The following SENP1 variants were observed in gnomAD, a reference collection of about 807,000 sequenced individuals.
SENP1 encodes SUMO specific peptidase 1.
In SENP1, 21 loss-of-function variants were observed where a neutral mutation model predicts 93.0. The ratio of observed to expected loss-of-function variants is 0.23; its 90% CI spans 0.16 to 0.33. The LOEUF (loss-of-function observed/expected upper bound fraction) is 0.33, where lower values mean the gene tolerates loss of function less well. Among genes scored for constraint, SENP1 ranks in the 10% least tolerant of loss-of-function variants. The pLI, the probability that SENP1 is intolerant of heterozygous loss-of-function variation, is 1.00. For synonymous variants in SENP1, 256 were observed against 259.6 expected (o/e 0.99, Z 0.13); for missense variants, 591 against 758.7 (o/e 0.78, Z 2.60).
chr12:48,066,862 G>T, intron 10 of SENP1, 65 bp downstream of exon 10: 1 of 1,271,506 alleles, frequency 7.9e-7, no homozygotes, highest in Non-Finnish European at 1.1e-6. Context: ...TTAGCTAATT[G>T]TTTGATTTCT....
chr12:48,096,367 C>A lies in SENP1; in HGVS notation c.196G>T (p.Ala66Ser). 6.2e-7 allele frequency: 1 copy of A among 1,607,410 alleles called. No homozygotes were observed. The highest frequency in any genetic ancestry group is 1.1e-5 in the South Asian group (1 of 90,688). ...CCTGAGTAATAGCTTGGATTATAAGCTGCACTTCTTGTGGAACATGTAAAA... is the reference window on the plus strand; with the variant it reads ...CCTGAGTAATAGCTTGGATTATAAGATGCACTTCTTGTGGAACATGTAAAA... ...RSFTCSTRSA[A>S]YNPSYYSDNP... The change falls in exon 4 of 18, where the codon GCT (alanine) becomes TCT (serine). Residue 66 changes from alanine to serine, a missense_variant. Around this residue, in one of 4 missense-constraint regions of SENP1, gnomAD observed 214 missense variants for 243.4 expected, o/e 0.88. Transcript: ENST00000549518.
rs763845176 is a variant in SENP1, at chr12:48,048,051, G to A, written c.1641C>T (p.Thr547=). 1 of 1,606,638 alleles carries A rather than the reference G, an allele frequency of 6.2e-7. No homozygotes were observed. The highest frequency in any genetic ancestry group is 1.7e-5 in the Admixed American group (1 of 59,956). The change falls in exon 15 of 18, where the codon ACC becomes ACT. Residue 547 remains threonine, a synonymous_variant. Transcript: ENST00000549518. ...TTATCCCACCCATGGAGTCGTAATA[G>A]GTAATATTCTTCTTTCTAAAGTCCA... ...AVVDFRKKNI[T]YYDSMGGINN...
rs1943944491 is a variant in SENP1 at position 48,074,740 on chromosome 12, T to C, written c.606A>G (p.Thr202=). The C allele has an allele frequency of 2.5e-6, 4 of 1,613,426 alleles. No homozygotes were observed. The highest frequency in any genetic ancestry group is 2.5e-6 in the Non-Finnish European group (3 of 1,179,712). The stretch of plus-strand genomic sequence containing the variant: ...GTTTGGCTATAGTAAACTGTTTCCC[T>C]GTGACCATCTGTAGCAGCTGTCTGT... ...EIYRQLLQMV[T]GKQFTIAKPT... Residue 202 remains threonine (T), a synonymous_variant, in exon 7 of 18, where the codon ACA becomes ACG. Transcript: ENST00000549518.
intron 13 of SENP1, among the ~76,000 whole-genome samples, chr12:48,052,405 A>C (rs1158063113): frequency 6.6e-6 from 1 of 152,218 alleles, no homozygotes; most frequent in African/African-American, 2.4e-5. Flanking sequence ...GCATGACAAT[A>C]CTTCTGAGCA....
chr12:48,075,321 C>A (rs528608885), intron 6 of SENP1, among the ~76,000 whole-genome samples: 19 of 152,106 alleles, frequency 1.2e-4, no homozygotes, highest in African/African-American at 4.3e-4. Flanking sequence ...AATTATGGAA[C>A]ATATATTTAA....
chr12:48,046,296 T>A, intron 17 of SENP1, 60 bp downstream of exon 17: 3 of 1,154,984 alleles, frequency 2.6e-6, no homozygotes, highest in Non-Finnish European at 3.9e-6. Flanking sequence ...GAGAAAAACA[T>A]CTACAGGGCA....
At chr12:48,057,942 T>C (rs1298024226) in intron 13 of SENP1, among the ~76,000 whole-genome samples, 2 of 21,548 alleles carry the variant, frequency 9.3e-5, no homozygotes, top group Non-Finnish European at 1.4e-4. Flanking sequence ...TTATTTCCTC[T>C]TTTTTTTTTT....
At position 48,076,791 on chromosome 12, in the gene SENP1, C is replaced by A. The variant is rs556992097; in HGVS notation, c.553-1998G>T. Among the ~76,000 whole-genome samples, 5 of 151,988 alleles carry A rather than the reference C, an allele frequency of 3.3e-5. No individual in the cohort carries two copies. The East Asian group carries it at 5.8e-4, about 18-fold the overall frequency. On this transcript the variant is annotated intron_variant, in intron 6 of 17. Transcript: ENST00000549518. ...CCTAGTAGCTGGAACTACAGGTGTGCGCCACCACGCCCAGCCATTTTTTTT... is the reference window on the plus strand; with the variant it reads ...CCTAGTAGCTGGAACTACAGGTGTGAGCCACCACGCCCAGCCATTTTTTTT...
intron 9 of SENP1, 145 bp from the exon 10 acceptor site, chr12:48,067,110 T>A: frequency 1.6e-6 from 1 of 628,008 alleles, no homozygotes. Context: ...CTAAATGACA[T>A]AAAATAATTG....
At chr12:48,078,567 C>A (rs989002770) in intron 6 of SENP1, among the ~76,000 whole-genome samples, 9 of 151,326 alleles carry the variant, frequency 5.9e-5, no homozygotes, top group Non-Finnish European at 5.9e-5. Flanking sequence ...GTCGCCCAGA[C>A]TGGAGTGCAG....
At chr12:48,055,175 G>T in intron 13 of SENP1, 1 of 250,258 alleles carries the variant, frequency 4.0e-6, no homozygotes. Context: ...GACTTCTGAA[G>T]GTGGTATGCC....
rs112688170 is a variant in SENP1, at chr12:48,088,943, T to C, written c.238A>G (p.Ser80Gly). The change falls in exon 5 of 18, where the codon AGT (serine) becomes GGT (glycine). Residue 80 changes from serine to glycine, a missense_variant. Ser to Gly is a moderately conservative substitution (Grantham distance 56, BLOSUM62 0). Around this residue, in one of 4 missense-constraint regions of SENP1, gnomAD observed 214 missense variants for 243.4 expected, o/e 0.88. Coordinates refer to ENST00000549518, the MANE Select transcript of SENP1 (RefSeq NM_001267594.2). ...SYYSDNPSSD[S>G]FLGSGDLRTF... Reference sequence around the variant, plus strand: ...CTTAAATCGCCTGAGCCAAGAAAACTGTCTGAGGAAGGATTATCTAAAAAA... The same window carrying C: ...CTTAAATCGCCTGAGCCAAGAAAACCGTCTGAGGAAGGATTATCTAAAAAA... 5.0e-3 allele frequency: 8,011 copies of C among 1,586,598 alleles called. 71 individuals carry two copies. Among genetic ancestry groups the C allele is most frequent in the Middle Eastern group, 0.021 (125 of 6,020 alleles).
At chr12:48,088,745 T>A (rs966005116) in intron 5 of SENP1, 56 bp downstream of exon 5, 37 of 1,505,198 alleles carry the variant, frequency 2.5e-5, no homozygotes, top group Non-Finnish European at 3.3e-5. Context: ...TACCTTTTAG[T>A]CACTTTCTCT....
intron 6 of SENP1, among the ~76,000 whole-genome samples, chr12:48,076,047 C>G (rs1179476537): frequency 2.0e-5 from 3 of 152,194 alleles, no homozygotes; most frequent in African/African-American, 7.2e-5. Context: ...TGACACAGAA[C>G]CAGATTACAT....
intron 16 of SENP1, among the ~76,000 whole-genome samples, chr12:48,046,711 C>T (rs557194159): frequency 6.6e-6 from 1 of 152,094 alleles, no homozygotes; most frequent in Non-Finnish European, 1.5e-5. Flanking sequence ...CTCCCTCCCC[C>T]AGAGGCCAAA....
In SENP1 at chr12:48,048,067, C is replaced by T. The variant is rs1301442796; in HGVS notation, c.1625G>A (p.Arg542Lys). 6.2e-7 allele frequency: 1 copy of T among 1,601,576 alleles called. No homozygotes were observed. The highest frequency in any genetic ancestry group is 8.6e-7 in the Non-Finnish European group (1 of 1,168,964). Residue 542 changes from arginine to lysine, a missense_variant, in exon 15 of 18, where the codon AGA becomes AAA. Around this residue, in one of 4 missense-constraint regions of SENP1, gnomAD observed 132 missense variants for 230.1 expected, o/e 0.57. Transcript: ENST00000549518. ...VHWCLAVVDF[R>K]KKNITYYDSM... Reference sequence around the variant, plus strand: ...GTCGTAATAGGTAATATTCTTCTTTCTAAAGTCCACAACCTGAGAATAAGA... The same window carrying T: ...GTCGTAATAGGTAATATTCTTCTTTTTAAAGTCCACAACCTGAGAATAAGA...
intron 4 of SENP1, chr12:48,089,375 A>G: frequency 2.4e-6 from 3 of 1,245,902 alleles, no homozygotes; most frequent in Non-Finnish European, 3.1e-6. Context: ...ACAGTTATTG[A>G]TTACTAAGCA....
At position 48,106,029 on chromosome 12, in the gene SENP1, G is replaced by A. The variant is rs1434091793; in HGVS notation, c.-46C>T. 2 of 701,412 alleles carry A rather than the reference G, an allele frequency of 2.9e-6. No homozygotes were observed. Among genetic ancestry groups the A allele is most frequent in the African/African-American group, 1.7e-5 (1 of 57,206 alleles). The allele number at this position is 701,412 out of a possible 1,614,324, so 43.4% of individuals were successfully genotyped here. ...CCCCAGCTTCCCGCCGCCACTCACC[G>A]AACCGGAACCGGCTGCCATGCGAAG... is the stretch of plus-strand genomic sequence containing the variant. On this transcript the variant is annotated splice_region_variant and 5_prime_UTR_variant, in exon 1 of 18. Transcript: ENST00000549518.
In SENP1 at chr12:48,055,603, G is replaced by A. The variant is rs149294089; in HGVS notation, c.1408-6471C>T. 1.5e-3 allele frequency: 235 copies of A among 152,054 alleles called. 3 individuals carry two copies. The highest frequency in any genetic ancestry group is 5.4e-3 in the African/African-American group (222 of 41,466). 9.4% of individuals were successfully genotyped at this position (152,054 alleles called of 1,614,324 possible). A position where few individuals can be genotyped will look rare whatever the true frequency, so the allele number is the denominator to read the frequency against. The stretch of plus-strand genomic sequence containing the variant: ...ATGTTTACCCTATACTGTTTAGTAA[G>A]GCAGCCACTAGCCAAATGTGACCAT... On this transcript the variant is annotated intron_variant, in intron 13 of 17. Coordinates refer to ENST00000549518, the MANE Select transcript of SENP1 (RefSeq NM_001267594.2).
Sources: gnomAD v4.1 joint callset for allele counts (sites outside exome capture counted in the v4.1 genomes callset) on GRCh38, gnomAD v4.1.1 for gene constraint, gnomAD v4.1.1 regional missense constraint, MANE v1.5 for transcripts, NCBI Gene and HGNC (gene_info 2026-07-23, HGNC 2026-07-21) for gene names.